DNAAF9: variants seen among roughly 807,000 people sequenced by gnomAD.
DNAAF9 encodes dynein axonemal assembly factor 9.
DNAAF9 carries 90 observed loss-of-function variants against 167.0 expected under a neutral mutation model. That is an observed-to-expected ratio of 0.54 (90% CI 0.45 to 0.64). The LOEUF is 0.64. Ranked by LOEUF, DNAAF9 falls within the 30% of genes least tolerant of loss-of-function variation. DNAAF9 has a pLI of 0.00. For synonymous variants in DNAAF9, 491 were observed against 508.8 expected, an observed-to-expected ratio of 0.96 and a Z score of 0.47; for missense variants, 1,315 against 1,442.2, an observed-to-expected ratio of 0.91 and a Z score of 1.43.
At chr20:3,268,336 CT>C (rs1198893527) in intron 30 of DNAAF9, among the ~76,000 whole-genome samples, 49 of 136,436 alleles carry the variant, frequency 3.6e-4, no homozygotes, top group South Asian at 7.1e-4. Context: ...TGCCCGGCCC[CT>C]TTTTTTTTTT....
intron 9 of DNAAF9, among the ~76,000 whole-genome samples, chr20:3,342,599 T>C (rs560394502): frequency 9.5e-4 from 144 of 152,338 alleles, no homozygotes; most frequent in African/African-American, 3.4e-3. Context: ...TTCACTACTC[T>C]TAAAAATACT....
At chr20:3,316,674 C>T (rs752453915) in intron 18 of DNAAF9, 49 bp downstream of exon 18, 1 of 1,374,898 alleles carries the variant, frequency 7.3e-7, no homozygotes, top group Non-Finnish European at 1.0e-6. Flanking sequence ...AGTGTTCACC[C>T]TGATTTCTCC....
At chr20:3,256,273 G>T in intron 33 of DNAAF9, 62 bp from the exon 34 acceptor site, 1 of 1,169,230 alleles carries the variant, frequency 8.6e-7, no homozygotes, top group Non-Finnish European at 1.3e-6. Flanking sequence ...GCTATGCTAA[G>T]ACTGTGACAA....
chr20:3,330,894 C>T (rs912620736), intron 11 of DNAAF9, among the ~76,000 whole-genome samples: 4 of 150,474 alleles, frequency 2.7e-5, no homozygotes, highest in South Asian at 4.2e-4. Context: ...CAGGTTCAGG[C>T]GATTCTCCTG....
At chr20:3,314,472 C>T (rs924239557) in intron 20 of DNAAF9, among the ~76,000 whole-genome samples, 5 of 152,124 alleles carry the variant, frequency 3.3e-5, no homozygotes, top group African/African-American at 1.2e-4. Context: ...GGATCCCTGT[C>T]TGACAGCCAC....
At position 3,323,026 on chromosome 20, in the gene DNAAF9, G is replaced by A. The variant is rs554542872; in HGVS notation, c.1266-330C>T. On this transcript the variant is annotated intron_variant, in intron 14 of 36. Transcript: ENST00000252032. Reference sequence around the variant, plus strand: ...CCCTCCATCCCTGCTCTGAGCGCAAGCAGAGGCCACGTCTCTGCAACTCAC... The same window carrying A: ...CCCTCCATCCCTGCTCTGAGCGCAAACAGAGGCCACGTCTCTGCAACTCAC... Among the ~76,000 whole-genome samples, 178 of 151,942 alleles carry A rather than the reference G, an allele frequency of 1.2e-3. 1 individual carries two copies. Among genetic ancestry groups the A allele is most frequent in the Non-Finnish European group, 1.9e-3 (126 of 67,994 alleles).
chr20:3,307,057 G>C (rs6037541), intron 20 of DNAAF9: 234,305 of 984,270 alleles, frequency 0.24, 28,754 homozygotes, highest in African/African-American at 0.38. Context: ...CCTGGACAAA[G>C]CTCAAAATCC....
chr20:3,259,375 G>A lies in DNAAF9; in HGVS notation c.3055+105C>T, dbSNP rs114683220. The A allele has an allele frequency of 2.3e-3, 1,911 of 815,568 alleles. 24 individuals carry two copies. In the African/African-American group the frequency reaches 0.029, roughly 12 times the overall value. 50.5% of individuals were successfully genotyped at this position (815,568 alleles called of 1,614,324 possible). ...GGGTGGGGAAGGTTTCTGAGAGTCT[G>A]AGCAGCATCAGTGGTCTGCAGAGCA... is the stretch of plus-strand genomic sequence containing the variant. On this transcript the variant is annotated intron_variant, in intron 33 of 36. Transcript: ENST00000252032.
Position 3,386,764 on chromosome 20 carries a change from T to TA in DNAAF9, c.84-4259dup, listed in dbSNP as rs61005893. On this transcript the variant is annotated intron_variant, in intron 1 of 36. Transcript: ENST00000252032. ...ATAAAGAACTCTCAAAACTCAATGG[T>TA]AAAAAAAAAAAAATCCAATTAGAAA... Among the ~76,000 whole-genome samples, 650 of 139,558 alleles carry TA rather than the reference T, an allele frequency of 4.7e-3. 3 individuals carry two copies. Among genetic ancestry groups the TA allele is most frequent in the Non-Finnish European group, 7.1e-3 (451 of 63,672 alleles). 91.6% of individuals were successfully genotyped at this position (139,558 alleles called of 152,430 possible).
chr20:3,384,197 T>C (rs1289887254), intron 1 of DNAAF9: 1 of 152,202 alleles, frequency 6.6e-6, no homozygotes, highest in African/African-American at 2.4e-5. Flanking sequence ...TAGTCTTCCA[T>C]GTGATATCAA....
rs1460858926 is a variant in DNAAF9 at position 3,252,641 on chromosome 20, C to T, written c.3465G>A (p.Arg1155=). The change falls in exon 37 of 37, where the codon CGG becomes CGA. Residue 1155 remains arginine (R), a synonymous_variant. Transcript: ENST00000252032. ...GCTCCTGGTTATACTTCTCAATTTC[C>T]CGGTTGGCTTCTTCCACGTAGTCAT... ...FMNDYVEEAN[R]EIEKYNQELE... 1.2e-6 allele frequency: 2 copies of T among 1,613,064 alleles called. No homozygotes were observed. The highest frequency in any genetic ancestry group is 1.7e-5 in the Admixed American group (1 of 60,024).
intron 20 of DNAAF9, among the ~76,000 whole-genome samples, chr20:3,305,403 T>C (rs1268104221): frequency 2.0e-5 from 3 of 152,214 alleles, no homozygotes; most frequent in South Asian, 2.1e-4. Context: ...TTTCCGCATA[T>C]AGAGGGAGAT....
intron 31 of DNAAF9, among the ~76,000 whole-genome samples, chr20:3,263,914 C>A (rs1217370500): frequency 6.6e-6 from 1 of 152,194 alleles, no homozygotes; most frequent in Non-Finnish European, 1.5e-5. Flanking sequence ...AGTAAATGTT[C>A]CAGCGTGTTG....
intron 30 of DNAAF9, among the ~76,000 whole-genome samples, chr20:3,268,282 G>A (rs543703674): frequency 2.6e-5 from 4 of 151,122 alleles, no homozygotes; most frequent in African/African-American, 7.3e-5. Context: ...TGATACGCCC[G>A]CCTCGCCCTC....
intron 23 of DNAAF9, chr20:3,296,518 C>T: frequency 3.3e-6 from 1 of 302,242 alleles, no homozygotes; most frequent in South Asian, 4.6e-5. Context: ...GCTGAGACTA[C>T]AGGCATGTGC....
intron 23 of DNAAF9, chr20:3,296,643 A>C (rs2069084998): frequency 5.8e-6 from 3 of 515,668 alleles, no homozygotes; most frequent in Non-Finnish European, 1.0e-5. Flanking sequence ...AGCCTCCCAA[A>C]GTGTTGGGAT....
intron 1 of DNAAF9, among the ~76,000 whole-genome samples, chr20:3,385,947 T>C (rs533172913): frequency 6.6e-6 from 1 of 152,256 alleles, no homozygotes; most frequent in South Asian, 2.1e-4. Flanking sequence ...GTTTAACACA[T>C]CCCTATGAAA....
At chr20:3,275,288 G>T (rs973130182) in intron 29 of DNAAF9, among the ~76,000 whole-genome samples, 1 of 152,206 alleles carries the variant, frequency 6.6e-6, no homozygotes, top group Non-Finnish European at 1.5e-5. Flanking sequence ...AGCCAGCAAA[G>T]GTTGAGGGAA....
chr20:3,288,380 G>T (rs2068889439), intron 26 of DNAAF9, among the ~76,000 whole-genome samples: 1 of 152,180 alleles, frequency 6.6e-6, no homozygotes, highest in Admixed American at 6.6e-5. Context: ...ACCCCGGGAG[G>T]CAGAGGTTGC....
Sources: allele counts gnomAD v4.1 joint callset (sites outside exome capture counted in the v4.1 genomes callset), GRCh38; gene constraint gnomAD v4.1.1; transcripts MANE v1.5; gene names NCBI Gene and HGNC (gene_info 2026-07-23, HGNC 2026-07-21).